OPCML: variants seen among roughly 807,000 people sequenced by gnomAD.
OPCML encodes the protein opioid binding protein/cell adhesion molecule like.
OPCML carries 13 observed loss-of-function variants against 37.8 expected under a neutral mutation model. The ratio of observed to expected loss-of-function variants is 0.34; its 90% CI spans 0.22 to 0.55. The LOEUF is 0.55. OPCML is among the 20% of genes least tolerant of loss of function. The pLI, the probability that OPCML is intolerant of heterozygous loss-of-function variation, is 0.91. For synonymous variants in OPCML, 176 were observed against 168.8 expected, an observed-to-expected ratio of 1.04 and a Z score of -0.33; for missense variants, 341 against 435.6, an observed-to-expected ratio of 0.78 and a Z score of 1.93.
chr11:133,233,677 A>G (rs1940388404), intron 1 of OPCML, among the ~76,000 whole-genome samples: 1 of 152,162 alleles, frequency 6.6e-6, no homozygotes, highest in Non-Finnish European at 1.5e-5. Context: ...AAAATGGTAT[A>G]TAAGTCTCAA....
chr11:132,477,900 C>T (rs543062328), intron 4 of OPCML, among the ~76,000 whole-genome samples: 1 of 152,142 alleles, frequency 6.6e-6, no homozygotes, highest in East Asian at 1.9e-4. Flanking sequence ...CAGATGAAGA[C>T]CCTTTGAAAA....
At chr11:133,153,699 G>C (rs1406320183) in intron 1 of OPCML, among the ~76,000 whole-genome samples, 4 of 152,044 alleles carry the variant, frequency 2.6e-5, no homozygotes, top group Non-Finnish European at 5.9e-5. Flanking sequence ...CTTTTTCCCT[G>C]GGCCTCCACT....
intron 1 of OPCML, among the ~76,000 whole-genome samples, chr11:132,955,010 C>G (rs1019071455): frequency 1.3e-5 from 2 of 152,084 alleles, no homozygotes; most frequent in Non-Finnish European, 2.9e-5. Flanking sequence ...GTGGAGGGCA[C>G]TGATGAATTT....
At chr11:133,209,597 C>T (rs747713865) in intron 1 of OPCML, among the ~76,000 whole-genome samples, 1 of 152,160 alleles carries the variant, frequency 6.6e-6, no homozygotes, top group Non-Finnish European at 1.5e-5. Context: ...GCTTTCCCAA[C>T]CAGATCAGAA....
At chr11:132,644,505 AAAAG>A (rs1941043373) in intron 3 of OPCML, among the ~76,000 whole-genome samples, 1 of 152,346 alleles carries the variant, frequency 6.6e-6, no homozygotes, top group South Asian at 2.1e-4. Flanking sequence ...AAAAAAAATT[AAAAG>A]AAAGAAGAAT....
chr11:132,692,177 A>G (rs553219879), intron 2 of OPCML, among the ~76,000 whole-genome samples: 76 of 152,296 alleles, frequency 5.0e-4, no homozygotes, highest in African/African-American at 1.7e-3. Context: ...CTGAAGTTCA[A>G]TAGGAAGATC....
At chr11:133,261,906 T>C (rs1010829556) in intron 1 of OPCML, among the ~76,000 whole-genome samples, 5 of 152,158 alleles carry the variant, frequency 3.3e-5, no homozygotes, top group Non-Finnish European at 4.4e-5. Flanking sequence ...GTTAACTCAC[T>C]GCTCTCAGCC....
chr11:132,538,830 C>T (rs1374959292), intron 3 of OPCML, among the ~76,000 whole-genome samples: 2 of 152,154 alleles, frequency 1.3e-5, no homozygotes, highest in Non-Finnish European at 2.9e-5. Flanking sequence ...TTCCAAATAC[C>T]TCATGTTAAT....
chr11:132,628,183 A>G (rs1939862028), intron 3 of OPCML, among the ~76,000 whole-genome samples: 1 of 152,138 alleles, frequency 6.6e-6, no homozygotes, highest in African/African-American at 2.4e-5. Flanking sequence ...CCTTGGCGTA[A>G]GTAATGAGGG....
chr11:132,847,711 T>C (rs923016548), intron 2 of OPCML, among the ~76,000 whole-genome samples: 2 of 152,248 alleles, frequency 1.3e-5, no homozygotes, highest in African/African-American at 4.8e-5. Flanking sequence ...ATTAAACTTT[T>C]GAAGTACAGT....
At chr11:133,009,032 T>C in intron 1 of OPCML, 1 of 985,444 alleles carries the variant, frequency 1.0e-6, no homozygotes, top group Non-Finnish European at 1.2e-6. Flanking sequence ...CAAGTTTTGA[T>C]TACTTAAACA....
intron 1 of OPCML, among the ~76,000 whole-genome samples, chr11:133,268,979 C>T (rs1941740152): frequency 1.3e-5 from 2 of 152,156 alleles, no homozygotes; most frequent in Admixed American, 6.5e-5. Context: ...TGTTTTTGCA[C>T]AATTCTAGGG....
intron 3 of OPCML, among the ~76,000 whole-genome samples, chr11:132,656,766 G>T (rs769636050): frequency 8.5e-5 from 13 of 152,298 alleles, no homozygotes; most frequent in African/African-American, 3.1e-4. Context: ...GAGTAGTACT[G>T]TATTTATCTA....
intron 1 of OPCML, among the ~76,000 whole-genome samples, chr11:133,017,981 C>T (rs1055282095): frequency 1.3e-5 from 2 of 152,184 alleles, no homozygotes; most frequent in Admixed American, 6.5e-5. Context: ...AAGACCCTTC[C>T]TTGGTAGCGC....
chr11:132,650,396 G>A (rs183819870), intron 3 of OPCML, among the ~76,000 whole-genome samples: 73 of 152,272 alleles, frequency 4.8e-4, no homozygotes, highest in African/African-American at 1.7e-3. Context: ...CTGACAAGTT[G>A]TCACACAGAA....
intron 1 of OPCML, among the ~76,000 whole-genome samples, chr11:133,325,254 T>G (rs1007321653): frequency 1.3e-5 from 2 of 152,262 alleles, no homozygotes; most frequent in African/African-American, 4.8e-5. Flanking sequence ...TGATTTGGCA[T>G]AAATATGTAT....
intron 2 of OPCML, among the ~76,000 whole-genome samples, chr11:132,662,177 C>T (rs543456391): frequency 2.0e-5 from 3 of 152,210 alleles, no homozygotes; most frequent in Admixed American, 1.3e-4. Flanking sequence ...CTGAAGCCAG[C>T]CCCCAAAGAG....
At chr11:133,343,499 T>C (rs1943923933) in intron 1 of OPCML, among the ~76,000 whole-genome samples, 1 of 152,184 alleles carries the variant, frequency 6.6e-6, no homozygotes. Context: ...AGATCAGAGA[T>C]AGAACCACAC....
intron 1 of OPCML, among the ~76,000 whole-genome samples, chr11:133,239,018 C>T (rs1005082321): frequency 6.6e-6 from 1 of 152,172 alleles, no homozygotes; most frequent in Non-Finnish European, 1.5e-5. Flanking sequence ...GACAGAGTAG[C>T]AACCGGTGAA....
Sources: allele counts gnomAD v4.1 joint callset (sites outside exome capture counted in the v4.1 genomes callset), GRCh38; gene constraint gnomAD v4.1.1; transcripts MANE v1.5; gene names NCBI Gene and HGNC (gene_info 2026-07-23, HGNC 2026-07-21).